The following UHRF1 variants were observed in gnomAD, a reference collection of about 807,000 sequenced individuals.
The protein encoded by UHRF1 is ubiquitin like with PHD and ring finger domains 1.
UHRF1 carries 9 observed loss-of-function variants against 96.5 expected under a neutral mutation model. The ratio of observed to expected loss-of-function variants is 0.09; its 90% CI spans 0.06 to 0.16. UHRF1 has a LOEUF of 0.16. Among genes scored for constraint, UHRF1 ranks in the 10% least tolerant of loss-of-function variants. The pLI is 1.00. For missense variants in UHRF1, 626 were observed against 1,131.1 expected (o/e 0.55, Z 6.40); for synonymous variants, 455 against 469.9 (o/e 0.97, Z 0.41).
In UHRF1 at chr19:4,941,941, G is replaced by GC; in HGVS notation, c.1073+13dup. On this transcript the variant is annotated intron_variant, in intron 7 of 16. Coordinates refer to ENST00000650932, the MANE Select transcript of UHRF1 (RefSeq NM_001048201.3). ...CCAGCGAGGACGAGTGGTGAGTGCG[G>GC]CCCTGCCCGCCGCGGGGAGACCAGA... 6.7e-7 allele frequency: 1 copy of GC among 1,485,800 alleles called. No individual in the cohort carries two copies. Among genetic ancestry groups the GC allele is most frequent in the South Asian group, 1.4e-5 (1 of 71,412 alleles). The allele number at this position is 1,485,800 out of a possible 1,614,324, so 92.0% of individuals were successfully genotyped here. A position where few individuals can be genotyped will look rare whatever the true frequency, so the allele number is the denominator to read the frequency against.
At chr19:4,939,998 T>A (rs1599278112) in intron 5 of UHRF1, among the ~76,000 whole-genome samples, 2 of 138,954 alleles carry the variant, frequency 1.4e-5, no homozygotes, top group East Asian at 4.2e-4. Flanking sequence ...CACTCCAGCC[T>A]GGGCGACAGA....
At chr19:4,959,749 C>T (rs1253505253) in intron 16 of UHRF1, among the ~76,000 whole-genome samples, 1 of 152,194 alleles carries the variant, frequency 6.6e-6, no homozygotes, top group African/African-American at 2.4e-5. Flanking sequence ...GTCGCTCAGG[C>T]TGGAGTGCAA....
At chr19:4,926,434 C>T (rs902230714) in intron 2 of UHRF1, among the ~76,000 whole-genome samples, 7 of 152,148 alleles carry the variant, frequency 4.6e-5, no homozygotes, top group African/African-American at 1.2e-4. Flanking sequence ...GGGGCTGAAG[C>T]GGATATTGGT....
chr19:4,911,239 A>T (rs1332575760), intron 2 of UHRF1, among the ~76,000 whole-genome samples: 1 of 152,060 alleles, frequency 6.6e-6, no homozygotes, highest in African/African-American at 2.4e-5. Flanking sequence ...ACAGATTGAC[A>T]CGCTGGGCTG....
At chr19:4,944,108 G>A in intron 7 of UHRF1, 24 bp from the exon 8 acceptor site, 1 of 1,612,568 alleles carries the variant, frequency 6.2e-7, no homozygotes, top group Non-Finnish European at 8.5e-7. Flanking sequence ...CTAGGCGTGG[G>A]CAGTGACAAT....
chr19:4,941,307 T>C (rs2033391528), intron 5 of UHRF1, among the ~76,000 whole-genome samples: 1 of 151,950 alleles, frequency 6.6e-6, no homozygotes, highest in Non-Finnish European at 1.5e-5. Flanking sequence ...GCCAGGCTGG[T>C]CTCGAACTCC....
At chr19:4,938,378 A>T (rs1388822641) in intron 5 of UHRF1, among the ~76,000 whole-genome samples, 1 of 151,942 alleles carries the variant, frequency 6.6e-6, no homozygotes, top group African/African-American at 2.4e-5. Context: ...TGCCTGAAGG[A>T]TCTAGTGAGA....
intron 11 of UHRF1, among the ~76,000 whole-genome samples, 153 bp downstream of exon 11, chr19:4,947,364 A>G (rs896143290): frequency 2.0e-5 from 3 of 151,930 alleles, no homozygotes; most frequent in Non-Finnish European, 4.4e-5. Flanking sequence ...CTGTCTCCCA[A>G]AGTGCTGGGA....
intron 2 of UHRF1, among the ~76,000 whole-genome samples, chr19:4,917,070 T>TGG (rs397697524): frequency 1.3e-3 from 91 of 69,548 alleles, no homozygotes; most frequent in African/African-American, 4.0e-3. Flanking sequence ...GGCAGCTCGG[T>TGG]GGGGGGGGGG....
At chr19:4,951,456 C>T (rs1415219071) in intron 13 of UHRF1, among the ~76,000 whole-genome samples, 1 of 152,100 alleles carries the variant, frequency 6.6e-6, no homozygotes, top group Non-Finnish European at 1.5e-5. Flanking sequence ...GCCCATGCTT[C>T]CCTGGTTTCT....
chr19:4,935,873 A>G (rs1001207016), intron 5 of UHRF1, among the ~76,000 whole-genome samples: 2 of 152,102 alleles, frequency 1.3e-5, no homozygotes, highest in African/African-American at 4.8e-5. Flanking sequence ...CCAGTTATAC[A>G]CCAGCTGCTG....
At chr19:4,911,064 T>G in intron 2 of UHRF1, 26 bp downstream of exon 2, 1 of 1,532,544 alleles carries the variant, frequency 6.5e-7, no homozygotes, top group Non-Finnish European at 8.8e-7. Flanking sequence ...GCACCTTTGT[T>G]CTATGCCTGG....
chr19:4,927,498 CTG>C (rs1259980844), intron 2 of UHRF1, among the ~76,000 whole-genome samples: 2 of 152,108 alleles, frequency 1.3e-5, no homozygotes, highest in African/African-American at 4.8e-5. Context: ...TTGGCCTTCA[CTG>C]TGACCCCCAT....
chr19:4,923,291 C>T (rs1279266571), intron 2 of UHRF1, among the ~76,000 whole-genome samples: 9 of 152,200 alleles, frequency 5.9e-5, no homozygotes, highest in South Asian at 2.1e-4. Context: ...CTCCTCCTGC[C>T]GCCTCCTGCT....
chr19:4,929,988 T>C (rs1001103027), intron 3 of UHRF1, among the ~76,000 whole-genome samples: 8 of 151,822 alleles, frequency 5.3e-5, no homozygotes, highest in African/African-American at 1.7e-4. Flanking sequence ...TTTTATTACT[T>C]TTTTAATACA....
At chr19:4,914,112 C>A (rs72986135) in intron 2 of UHRF1, among the ~76,000 whole-genome samples, 1 of 152,102 alleles carries the variant, frequency 6.6e-6, no homozygotes. Flanking sequence ...AGGTGTGAAC[C>A]GTCGCATCCG....
chr19:4,907,196 G>T (rs562114963), upstream of UHRF1, among the ~76,000 whole-genome samples: 2 of 152,250 alleles, frequency 1.3e-5, no homozygotes, highest in Admixed American at 1.3e-4. Context: ...TGCAACCTCC[G>T]TCTCCTGGGT....
chr19:4,952,393 C>A (rs17882017), intron 13 of UHRF1, among the ~76,000 whole-genome samples: 8 of 82,528 alleles, frequency 9.7e-5, no homozygotes, highest in African/African-American at 2.6e-4. Context: ...CGCTCCCAGC[C>A]TTTTTTTTTT....
intron 10 of UHRF1, 65 bp from the exon 11 acceptor site, chr19:4,947,040 A>C: frequency 7.9e-7 from 1 of 1,273,038 alleles, no homozygotes; most frequent in East Asian, 2.3e-5. Flanking sequence ...GTTTGCTTTC[A>C]ATGCAGTCTC....
Sources: allele counts gnomAD v4.1 joint callset (sites outside exome capture counted in the v4.1 genomes callset), GRCh38; gene constraint gnomAD v4.1.1; transcripts MANE v1.5; gene names NCBI Gene and HGNC (gene_info 2026-07-23, HGNC 2026-07-21).